The following ZBTB14 variants were observed in gnomAD, a reference collection of about 807,000 sequenced individuals.
ZBTB14 encodes the protein zinc finger and BTB domain containing 14, also known as zinc finger and BTB domain-containing protein 14.
In ZBTB14, 8 loss-of-function variants were observed where a neutral mutation model predicts 29.5. The observed-to-expected ratio is 0.27, with a 90% CI of 0.16 to 0.49. The LOEUF (loss-of-function observed/expected upper bound fraction) is 0.49. Among genes scored for constraint, ZBTB14 ranks in the 20% least tolerant of loss-of-function variants. The pLI is 0.99. For missense variants in ZBTB14, 333 were observed against 563.8 expected (o/e 0.59, Z 4.15); for synonymous variants, 226 against 207.2 (o/e 1.09, Z -0.78).
At chr18:5,295,374 C>G (rs988621118) in intron 1 of ZBTB14, among the ~76,000 whole-genome samples, 2 of 143,210 alleles carry the variant, frequency 1.4e-5, no homozygotes, top group Non-Finnish European at 3.1e-5. Flanking sequence ...CCCTCCTCCG[C>G]CGGCGGCTGT....
upstream of ZBTB14, chr18:5,296,269 C>T (rs546032773): frequency 4.7e-5 from 7 of 149,728 alleles, no homozygotes; most frequent in East Asian, 5.9e-4. Flanking sequence ...GGAGCCCGCG[C>T]GCGGGAGAAG....
At chr18:5,293,078 A>C (rs1032881160) in intron 3 of ZBTB14, among the ~76,000 whole-genome samples, 166 bp downstream of exon 3, 1 of 152,202 alleles carries the variant, frequency 6.6e-6, no homozygotes, top group African/African-American at 2.4e-5. Context: ...GTCATCTTAA[A>C]GCATTCTCTA....
rs900023707 is a variant in ZBTB14, at chr18:5,289,636, T to C, written c.*1222A>G. ...AAGGCAATCAACTTCTATTTAAAAC[T>C]GTAACCAGTGATGAAATATATTTCG... is the stretch of plus-strand genomic sequence containing the variant. On this transcript the variant is annotated 3_prime_UTR_variant, in exon 4 of 4. Transcript: ENST00000651870. 6.6e-6 allele frequency: 1 copy of C among 152,284 alleles called. No individual in the cohort carries two copies. The highest frequency in any genetic ancestry group is 2.4e-5 in the African/African-American group (1 of 41,462). The allele number at this position is 152,284 out of a possible 1,614,324, so 9.4% of individuals were successfully genotyped here.
In ZBTB14 at chr18:5,290,144, A is replaced by G. The variant is rs1451274849; in HGVS notation, c.*714T>C. 6.6e-6 allele frequency: 1 copy of G among 152,248 alleles called. No individual in the cohort carries two copies. Among genetic ancestry groups the G allele is most frequent in the Non-Finnish European group, 1.5e-5 (1 of 68,088 alleles). The allele number at this position is 152,248 out of a possible 1,614,324, so 9.4% of individuals were successfully genotyped here. A position where few individuals can be genotyped will look rare whatever the true frequency, so the allele number is the denominator to read the frequency against. On this transcript the variant is annotated 3_prime_UTR_variant, in exon 4 of 4. Coordinates refer to ENST00000651870, the MANE Select transcript of ZBTB14 (RefSeq NM_001243702.2). Reference sequence around the variant, plus strand: ...TACTGCCCCAAATAAGAGGAACCTAAGAGCTTGGCTCCAAGACCCCCCACC... The same window carrying G: ...TACTGCCCCAAATAAGAGGAACCTAGGAGCTTGGCTCCAAGACCCCCCACC...
In ZBTB14 at chr18:5,290,726, G is replaced by C; in HGVS notation, c.*132C>G. On this transcript the variant is annotated 3_prime_UTR_variant, in exon 4 of 4. Coordinates refer to ENST00000651870, the MANE Select transcript of ZBTB14 (RefSeq NM_001243702.2). ...AAAAGTCTTAAAAATAGCTAACCAAGCACTGCCTTAAGTCCAGTGAGTACA... is the reference window on the plus strand; with the variant it reads ...AAAAGTCTTAAAAATAGCTAACCAACCACTGCCTTAAGTCCAGTGAGTACA... 9 of 1,351,726 alleles carry C rather than the reference G, an allele frequency of 6.7e-6. No individual in the cohort carries two copies. The highest frequency in any genetic ancestry group is 9.0e-6 in the Non-Finnish European group (9 of 996,642). The allele number at this position is 1,351,726 out of a possible 1,614,324, so 83.7% of individuals were successfully genotyped here. A position where few individuals can be genotyped will look rare whatever the true frequency, so the allele number is the denominator to read the frequency against.
Position 5,293,394 on chromosome 18 carries a change from T to C in ZBTB14, c.-81-67A>G, listed in dbSNP as rs1026427550. On this transcript the variant is annotated intron_variant, in intron 2 of 3. Coordinates refer to ENST00000651870, the MANE Select transcript of ZBTB14 (RefSeq NM_001243702.2). ...TGTATCCCAAATCCTAAACCAAGAATTGATTTTTTAAAAATAAACTTTCTT... is the reference window on the plus strand; with the variant it reads ...TGTATCCCAAATCCTAAACCAAGAACTGATTTTTTAAAAATAAACTTTCTT... 17 of 848,248 alleles carry C rather than the reference T, an allele frequency of 2.0e-5. No homozygotes were observed. The African/African-American group carries it at 2.9e-4, about 15-fold the overall frequency. 52.5% of individuals were successfully genotyped at this position (848,248 alleles called of 1,614,324 possible).
At position 5,291,663 on chromosome 18, in the gene ZBTB14, G is replaced by GGT; in HGVS notation, c.543_544dup (p.Pro182HisfsTer22). The GGT allele has an allele frequency of 6.2e-7, 1 of 1,614,080 alleles. No individual in the cohort carries two copies. Among genetic ancestry groups the GGT allele is most frequent in the Non-Finnish European group, 8.5e-7 (1 of 1,180,026 alleles). On this transcript the variant is annotated frameshift_variant, in exon 4 of 4. Coordinates refer to ENST00000651870, the MANE Select transcript of ZBTB14 (RefSeq NM_001243702.2). LOFTEE classifies it high-confidence loss of function. This position sits in a 1 kb window ranked among gnomAD's most constrained non-coding sequence, Gnocchi z 5.8. ...CGACTTGCCGTCCTCCTGACTCGGGGGTGTGCCTTCTACTGTGTCATCAGA... is the reference window on the plus strand; with the variant it reads ...CGACTTGCCGTCCTCCTGACTCGGGGGTGTGTGCCTTCTACTGTGTCATCAGA...
At chr18:5,296,169 C>T (rs1567910799), upstream of ZBTB14, 2 of 151,442 alleles carry the variant, frequency 1.3e-5, no homozygotes, top group African/African-American at 4.8e-5. Flanking sequence ...AATCCGGGCC[C>T]TTGCCGACGC....
intron 1 of ZBTB14, among the ~76,000 whole-genome samples, chr18:5,295,296 G>C (rs898633508): frequency 1.4e-5 from 2 of 144,694 alleles, no homozygotes; most frequent in African/African-American, 5.0e-5. Context: ...CGGGGGCGGG[G>C]GCGGCGCGCG....
chr18:5,291,558 C>A lies in ZBTB14; in HGVS notation c.650G>T (p.Gly217Val), dbSNP rs1468757995. The change falls in exon 4 of 4, where the codon GGC (glycine) becomes GTC (valine). Residue 217 changes from glycine to valine, a missense_variant. Around this residue, in one of 3 missense-constraint regions of ZBTB14, gnomAD observed 126 missense variants for 132.2 expected, o/e 0.95. Coordinates refer to ENST00000651870, the MANE Select transcript of ZBTB14 (RefSeq NM_001243702.2). This position sits in a 1 kb window ranked among gnomAD's most constrained non-coding sequence, Gnocchi z 5.8. ...SEEVRKVNCY[G>V]QEVESMETPE... ...GGTCTCCATGGATTCTACTTCCTGG[C>A]CGTAGCAATTGACCTTCCGAACTTC... The A allele has an allele frequency of 5.0e-6, 8 of 1,613,840 alleles. No homozygotes were observed. Among genetic ancestry groups the A allele is most frequent in the Admixed American group, 1.7e-5 (1 of 60,000 alleles).
At chr18:5,295,475 G>C (rs1287567879) in intron 1 of ZBTB14, among the ~76,000 whole-genome samples, 177 bp downstream of exon 1, 2 of 144,802 alleles carry the variant, frequency 1.4e-5, no homozygotes, top group East Asian at 2.0e-4. Context: ...CCCCACCGCG[G>C]TGCACTGCGG....
In ZBTB14 at chr18:5,290,667, G is replaced by A. The variant is rs574730892; in HGVS notation, c.*191C>T. On this transcript the variant is annotated 3_prime_UTR_variant, in exon 4 of 4. Transcript: ENST00000651870. ...TAGACACCAGACAAGACAGTGAAAC[G>A]GTTTGGTCAGAACTGAGGAACACCA... 20 of 770,620 alleles carry A rather than the reference G, an allele frequency of 2.6e-5. No homozygotes were observed. Among genetic ancestry groups the A allele is most frequent in the Non-Finnish European group, 3.4e-5 (17 of 504,304 alleles). 47.7% of individuals were successfully genotyped at this position (770,620 alleles called of 1,614,324 possible).
At position 5,295,664 on chromosome 18, in the gene ZBTB14, C is replaced by G. The variant is rs2071943214; in HGVS notation, c.-124G>C. On this transcript the variant is annotated 5_prime_UTR_variant, in exon 1 of 4. Coordinates refer to ENST00000651870, the MANE Select transcript of ZBTB14 (RefSeq NM_001243702.2). ...TCCCCGCTCGCACCGCGCCGCGCCG[C>G]TGGCGGCCGCCGCACATCCTGGAGC... 6.7e-6 allele frequency: 1 copy of G among 148,928 alleles called. No individual in the cohort carries two copies. The highest frequency in any genetic ancestry group is 1.5e-5 in the Non-Finnish European group (1 of 66,990). The allele number at this position is 148,928 out of a possible 1,614,324, so 9.2% of individuals were successfully genotyped here.
chr18:5,292,253 T>C (rs2071833686), intron 3 of ZBTB14, 49 bp from the exon 4 acceptor site: 1 of 1,355,142 alleles, frequency 7.4e-7, no homozygotes, highest in African/African-American at 1.5e-5. Flanking sequence ...CTTTTCCATA[T>C]AGAGAACACA....
chr18:5,289,183 GAC>G lies in ZBTB14; in HGVS notation c.*1673_*1674del, dbSNP rs2071758875. 1 of 152,172 alleles carries G rather than the reference GAC, an allele frequency of 6.6e-6. No individual in the cohort carries two copies. The highest frequency in any genetic ancestry group is 2.1e-4 in the South Asian group (1 of 4,832). 9.4% of individuals were successfully genotyped at this position (152,172 alleles called of 1,614,324 possible). ...TCTATAAGTAGCATAAAAACACAGT[GAC>G]AGGACTACTTTTAGAACAGAATAAA... is the stretch of plus-strand genomic sequence containing the variant. On this transcript the variant is annotated 3_prime_UTR_variant, in exon 4 of 4. Transcript: ENST00000651870.
chr18:5,295,132 G>A (rs1286172489), intron 1 of ZBTB14, among the ~76,000 whole-genome samples: 2 of 146,338 alleles, frequency 1.4e-5, no homozygotes, highest in Non-Finnish European at 3.0e-5. Context: ...TGCGGCCCGC[G>A]GCGGCCCCGG....
At chr18:5,293,150 AG>A (rs1478375928) in intron 3 of ZBTB14, 93 bp downstream of exon 3, 5 of 1,287,292 alleles carry the variant, frequency 3.9e-6, no homozygotes, top group Non-Finnish European at 5.3e-6. Flanking sequence ...CCAGACAAAT[AG>A]AAGTGTTCAT....
chr18:5,295,293 G>A (rs2071926523), intron 1 of ZBTB14, among the ~76,000 whole-genome samples: 1 of 144,672 alleles, frequency 6.9e-6, no homozygotes, highest in Admixed American at 6.8e-5. Flanking sequence ...GGCCGGGGGC[G>A]GGGGCGGCGC....
chr18:5,293,424 C>T, intron 2 of ZBTB14, 97 bp from the exon 3 acceptor site: 2 of 688,904 alleles, frequency 2.9e-6, no homozygotes, highest in Non-Finnish European at 2.4e-6. Flanking sequence ...TTTCTTGTTC[C>T]CTCTTTTGTG....
Sources: allele counts gnomAD v4.1 joint callset (sites outside exome capture counted in the v4.1 genomes callset), GRCh38; gene constraint gnomAD v4.1.1; regional missense constraint gnomAD v4.1.1; non-coding constraint Gnocchi (gnomAD v3.1); transcripts MANE v1.5; gene names NCBI Gene and HGNC (gene_info 2026-07-23, HGNC 2026-07-21).